ADGRL2: variants seen among roughly 807,000 people sequenced by gnomAD.
The protein encoded by ADGRL2 is calcium-independent alpha-latrotoxin receptor 2.
In ADGRL2, 44 loss-of-function variants were observed where a neutral mutation model predicts 157.4. That is an observed-to-expected ratio of 0.28 (90% CI 0.22 to 0.36). The LOEUF (loss-of-function observed/expected upper bound fraction) is 0.36. Ranked by LOEUF, ADGRL2 falls within the 10% of genes least tolerant of loss-of-function variation. ADGRL2 has a pLI of 1.00. For synonymous variants in ADGRL2, 585 were observed against 624.7 expected (o/e 0.94, Z 0.95); for missense variants, 1,510 against 1,768.9 (o/e 0.85, Z 2.63).
chr1:81,911,493 T>TA (rs2094720543), intron 3 of ADGRL2, among the ~76,000 whole-genome samples: 2 of 152,160 alleles, frequency 1.3e-5, no homozygotes, highest in Admixed American at 6.5e-5. Flanking sequence ...CTTAAAGTGA[T>TA]ACACTGGATT....
chr1:81,811,167 G>C (rs1234334813), intron 1 of ADGRL2, among the ~76,000 whole-genome samples: 2 of 151,822 alleles, frequency 1.3e-5, no homozygotes, highest in Non-Finnish European at 2.9e-5. Flanking sequence ...AAAAAACACT[G>C]CTGATTTGCT....
chr1:81,700,193 G>C (rs2083532803), intron 1 of ADGRL2, among the ~76,000 whole-genome samples: 1 of 152,158 alleles, frequency 6.6e-6, no homozygotes, highest in Non-Finnish European at 1.5e-5. Flanking sequence ...TATCTTAATT[G>C]CTCTGAAGAT....
chr1:81,437,524 G>A (rs1392428284), intron 1 of ADGRL2, among the ~76,000 whole-genome samples: 2 of 152,158 alleles, frequency 1.3e-5, no homozygotes, highest in Admixed American at 1.3e-4. Flanking sequence ...CACAAAATCT[G>A]TTTTTAGCTC....
At chr1:81,622,899 T>C (rs1219423938) in intron 3 of ADGRL2, among the ~76,000 whole-genome samples, 1 of 152,252 alleles carries the variant, frequency 6.6e-6, no homozygotes, top group Non-Finnish European at 1.5e-5. Flanking sequence ...TTTAATTCAT[T>C]TAATGAATCT....
At chr1:81,845,481 G>T (rs1377153148) in intron 2 of ADGRL2, among the ~76,000 whole-genome samples, 1 of 151,850 alleles carries the variant, frequency 6.6e-6, no homozygotes, top group Non-Finnish European at 1.5e-5. Flanking sequence ...TACCAGCAAT[G>T]ATCTGAAATT....
Position 81,683,979 on chromosome 1 carries a change from G to GC in ADGRL2, c.-142-77831dup, listed in dbSNP as rs543496000. Among the ~76,000 whole-genome samples the GC allele has an allele frequency of 2.1e-4, 32 of 152,094 alleles. 1 individual carries two copies. In the South Asian group the frequency reaches 6.2e-3, roughly 30 times the overall value. On this transcript the variant is annotated intron_variant, in intron 3 of 24. Coordinates refer to the ADGRL2 transcript ENST00000370721. ...TTACAGGCGCACGCCACCATGCCCG[G>GC]CTCATTTTTTTATTTTTAGTAGAGA...
At position 81,765,117 on chromosome 1, in the gene ADGRL2, G is replaced by A. The variant is rs1310846237; in HGVS notation, c.-101+3265G>A. On this transcript the variant is annotated intron_variant, in intron 2 of 20. Transcript: ENST00000359929. ...ACTTTACTCTGAATGAGATAACATT[G>A]TAAATGACCTATAAGATAAAATCTA... Among the ~76,000 whole-genome samples the A allele has an allele frequency of 2.0e-5, 3 of 151,842 alleles. No individual in the cohort carries two copies. In the South Asian group the frequency reaches 6.2e-4, roughly 32 times the overall value.
At chr1:81,526,681 AT>A (rs1431862810) in intron 2 of ADGRL2, among the ~76,000 whole-genome samples, 2 of 151,992 alleles carry the variant, frequency 1.3e-5, no homozygotes, top group African/African-American at 4.8e-5. Flanking sequence ...GAATGTTTGT[AT>A]TTTTTCTGCT....
At chr1:81,757,593 T>G (rs879876243) in intron 1 of ADGRL2, among the ~76,000 whole-genome samples, 4 of 152,218 alleles carry the variant, frequency 2.6e-5, no homozygotes, top group Non-Finnish European at 5.9e-5. Context: ...CTTCCCTTTT[T>G]TGTCTATAAA....
intron 16 of ADGRL2, among the ~76,000 whole-genome samples, chr1:81,971,262 C>T (rs1658645969): frequency 6.6e-6 from 1 of 151,934 alleles, no homozygotes; most frequent in Non-Finnish European, 1.5e-5. Context: ...AAAAATGAAC[C>T]ACTAAGTAAA....
At chr1:81,591,240 G>A (rs2081127019) in intron 3 of ADGRL2, among the ~76,000 whole-genome samples, 1 of 152,198 alleles carries the variant, frequency 6.6e-6, no homozygotes, top group Non-Finnish European at 1.5e-5. Context: ...AGCCACACAT[G>A]TTCAGGGGAC....
At chr1:81,324,969 G>A (rs1028692484) in intron 1 of ADGRL2, among the ~76,000 whole-genome samples, 7 of 151,890 alleles carry the variant, frequency 4.6e-5, no homozygotes, top group African/African-American at 1.7e-4. Flanking sequence ...CACCCACCCC[G>A]ACCTCCCAAA....
chr1:81,333,558 G>A (rs1661423063), intron 1 of ADGRL2, among the ~76,000 whole-genome samples: 1 of 152,060 alleles, frequency 6.6e-6, no homozygotes, highest in Non-Finnish European at 1.5e-5. Context: ...TGGGATTACA[G>A]GCACCTGCCA....
intron 23 of ADGRL2, among the ~76,000 whole-genome samples, chr1:81,988,850 A>AT (rs561791978): frequency 2.3e-3 from 343 of 151,896 alleles, no homozygotes; most frequent in Non-Finnish European, 3.7e-3. Flanking sequence ...GAAATTTCGT[A>AT]TTTTTTTCCA....
chr1:81,955,475 G>A (rs1653193990), intron 10 of ADGRL2, among the ~76,000 whole-genome samples: 1 of 152,064 alleles, frequency 6.6e-6, no homozygotes, highest in Admixed American at 6.6e-5. Flanking sequence ...AAAGACATCA[G>A]TATTTTTGGT....
At chr1:81,951,765 TTG>T (rs150636423) in intron 8 of ADGRL2, among the ~76,000 whole-genome samples, 190 bp from the exon 9 acceptor site, 4 of 150,912 alleles carry the variant, frequency 2.7e-5, no homozygotes, top group Admixed American at 6.6e-5. Flanking sequence ...TGGTTCAGAA[TTG>T]TGTGTGTGTG....
intron 4 of ADGRL2, among the ~76,000 whole-genome samples, chr1:81,938,694 A>C (rs1212115813): frequency 5.3e-5 from 8 of 151,706 alleles, no homozygotes; most frequent in African/African-American, 1.9e-4. Context: ...GAATAAAAGT[A>C]ATTATAATTC....
chr1:81,810,457 T>G (rs767020371), intron 1 of ADGRL2, among the ~76,000 whole-genome samples: 11 of 151,874 alleles, frequency 7.2e-5, no homozygotes, highest in Non-Finnish European at 1.2e-4. Context: ...ATTAAAAGCC[T>G]ACCATTTTAT....
intron 2 of ADGRL2, among the ~76,000 whole-genome samples, chr1:81,905,566 T>C (rs1027681981): frequency 6.6e-6 from 1 of 152,170 alleles, no homozygotes; most frequent in Non-Finnish European, 1.5e-5. Flanking sequence ...CAACAACAGT[T>C]AAAGGGCTTG....
Sources: gnomAD v4.1 joint callset for allele counts (sites outside exome capture counted in the v4.1 genomes callset) on GRCh38, gnomAD v4.1.1 for gene constraint, MANE v1.5 for transcripts, NCBI Gene and HGNC (gene_info 2026-07-23, HGNC 2026-07-21) for gene names.